Variants in UBR1 observed in about 807,000 individuals in gnomAD.
The protein encoded by UBR1 is E3 ubiquitin-protein ligase UBR1.
A neutral mutation model predicts 242.1 loss-of-function variants in UBR1; 102 were observed. The ratio of observed to expected loss-of-function variants is 0.42; its 90% CI spans 0.36 to 0.50. UBR1 has a LOEUF of 0.50. Among genes scored for constraint, UBR1 ranks in the 20% least tolerant of loss-of-function variants. UBR1 has a pLI of 0.01. For synonymous variants in UBR1, 675 were observed against 684.8 expected, an observed-to-expected ratio of 0.99 and a Z score of 0.22; for missense variants, 1,772 against 2,101.8, an observed-to-expected ratio of 0.84 and a Z score of 3.07.
At position 43,086,138 on chromosome 15, in the gene UBR1, GC is replaced by G; in HGVS notation, c.183del (p.Lys61AsnfsTer27). The G allele has an allele frequency of 1.2e-6, 2 of 1,613,976 alleles. No individual in the cohort carries two copies. The highest frequency in any genetic ancestry group is 1.7e-6 in the Non-Finnish European group (2 of 1,179,998). On this transcript the variant is annotated frameshift_variant, in exon 2 of 47. Transcript: ENST00000290650. LOFTEE classifies it high-confidence loss of function. ...YFAEMDPDLE[K>X]QEESVQMSIF... is the part of the protein sequence containing the mutation. ...ATTGACATTTGTACACTTTCCTCCT[GC>G]TTTTCCAAGTCTGGGTCCATTTCAG...
intron 29 of UBR1, among the ~76,000 whole-genome samples, chr15:43,012,835 A>T (rs1375652138): frequency 6.6e-6 from 1 of 152,214 alleles, no homozygotes; most frequent in Non-Finnish European, 1.5e-5. Flanking sequence ...CAGCTTCAAG[A>T]TTAAAGATAC....
At chr15:43,009,940 G>A (rs774732728) in intron 29 of UBR1, among the ~76,000 whole-genome samples, 3 of 152,132 alleles carry the variant, frequency 2.0e-5, no homozygotes, top group African/African-American at 4.8e-5. Context: ...GCGCGATCTC[G>A]GCTCACTGCA....
At chr15:43,055,596 T>C (rs554608399) in intron 11 of UBR1, among the ~76,000 whole-genome samples, 87 of 152,250 alleles carry the variant, frequency 5.7e-4, no homozygotes, top group African/African-American at 2.0e-3. Context: ...TAACCAAGTT[T>C]GGATAACTAT....
intron 21 of UBR1, among the ~76,000 whole-genome samples, chr15:43,028,342 A>G (rs2033204018): frequency 6.6e-6 from 1 of 152,060 alleles, no homozygotes; most frequent in Admixed American, 6.6e-5. Flanking sequence ...AGGGAACACT[A>G]TTTTTTTACA....
Position 42,943,296 on chromosome 15 carries a change from T to C in UBR1, c.*2033A>G, listed in dbSNP as rs2031681016. The C allele has an allele frequency of 6.6e-6, 1 of 152,560 alleles. No homozygotes were observed. Among genetic ancestry groups the C allele is most frequent in the Non-Finnish European group, 1.5e-5 (1 of 68,032 alleles). The allele number at this position is 152,560 out of a possible 1,614,324, so 9.5% of individuals were successfully genotyped here. A position where few individuals can be genotyped will look rare whatever the true frequency, so the allele number is the denominator to read the frequency against. On this transcript the variant is annotated 3_prime_UTR_variant, in exon 47 of 47. Transcript: ENST00000290650. ...CCTTCACATACTACACTAAAGAAAA[T>C]AAAGTGACTCAGTTGCTTGTTTGTA...
At chr15:43,059,277 T>C (rs2033654208) in intron 8 of UBR1, 85 bp from the exon 9 acceptor site, 1 of 1,280,112 alleles carries the variant, frequency 7.8e-7, no homozygotes, top group South Asian at 1.2e-5. Context: ...GTTGCCCAGG[T>C]TGGTCTTGAA....
chr15:43,093,790 CAAAAAAAA>C (rs35967267), intron 1 of UBR1, among the ~76,000 whole-genome samples: 1 of 52,054 alleles, frequency 1.9e-5, no homozygotes, highest in Non-Finnish European at 4.0e-5. Context: ...GCTCCGTCTC[CAAAAAAAA>C]AAAAAAAAAA....
intron 32 of UBR1, among the ~76,000 whole-genome samples, chr15:43,000,610 G>C (rs1439185598): frequency 6.6e-6 from 1 of 152,082 alleles, no homozygotes; most frequent in Admixed American, 6.5e-5. Flanking sequence ...ACTATCCCTA[G>C]TCTCCAATTC....
At chr15:42,966,055 A>T in intron 41 of UBR1, 98 bp downstream of exon 41, 1 of 1,551,906 alleles carries the variant, frequency 6.4e-7, no homozygotes, top group South Asian at 1.1e-5. Context: ...GGAGAGGAGA[A>T]GTGGTTTTAT....
intron 10 of UBR1, among the ~76,000 whole-genome samples, chr15:43,057,036 T>C (rs928001110): frequency 2.0e-5 from 3 of 152,166 alleles, no homozygotes; most frequent in African/African-American, 4.8e-5. Flanking sequence ...AGTTGGATAC[T>C]TAACCTACTT....
chr15:42,949,681 C>T (rs1384542996), intron 46 of UBR1, among the ~76,000 whole-genome samples: 7 of 151,020 alleles, frequency 4.6e-5, no homozygotes, highest in Non-Finnish European at 1.0e-4. Flanking sequence ...TGCCTGTAGT[C>T]CCAGCTACTC....
chr15:43,087,409 A>C (rs2034051372), intron 1 of UBR1, among the ~76,000 whole-genome samples: 1 of 152,182 alleles, frequency 6.6e-6, no homozygotes, highest in Admixed American at 6.5e-5. Context: ...CAACTCAAAA[A>C]AAAAATAAAA....
At chr15:43,018,687 A>T (rs1293330589) in intron 27 of UBR1, among the ~76,000 whole-genome samples, 2 of 152,198 alleles carry the variant, frequency 1.3e-5, no homozygotes, top group East Asian at 3.8e-4. Context: ...CACTGTGCCC[A>T]GTAAAATTTA....
intron 1 of UBR1, among the ~76,000 whole-genome samples, chr15:43,105,614 TC>T (rs1436718346): frequency 6.6e-6 from 1 of 152,134 alleles, no homozygotes; most frequent in African/African-American, 2.4e-5. Context: ...TAGTACTGCT[TC>T]TATACGAAAA....
At chr15:43,083,101 G>C (rs916501233) in intron 2 of UBR1, among the ~76,000 whole-genome samples, 2 of 152,130 alleles carry the variant, frequency 1.3e-5, no homozygotes, top group Non-Finnish European at 2.9e-5. Context: ...AAAGCTGATT[G>C]CTCATTGTTA....
At chr15:42,985,014 A>G in intron 35 of UBR1, 72 bp from the exon 36 acceptor site, 1 of 1,150,774 alleles carries the variant, frequency 8.7e-7, no homozygotes, top group South Asian at 1.5e-5. Flanking sequence ...ACTTTTTATC[A>G]AATGTTCTTT....
At chr15:43,034,691 G>A (rs1211613902) in intron 19 of UBR1, among the ~76,000 whole-genome samples, 1 of 151,930 alleles carries the variant, frequency 6.6e-6, no homozygotes. Flanking sequence ...TTCGAGACCA[G>A]CCTGGCCAAC....
rs2033515274 is a variant in UBR1, at chr15:43,048,636, T to A, written c.1440-145A>T. On this transcript the variant is annotated intron_variant, in intron 12 of 46. Coordinates refer to ENST00000290650, the MANE Select transcript of UBR1 (RefSeq NM_174916.3). Reference sequence around the variant, plus strand: ...TTAGAAGCTCTGAGTAGAGCTAGAATTATTTATTCTGCCTTATTTTAAATA... The same window carrying A: ...TTAGAAGCTCTGAGTAGAGCTAGAAATATTTATTCTGCCTTATTTTAAATA... 5 of 671,308 alleles carry A rather than the reference T, an allele frequency of 7.4e-6. No individual in the cohort carries two copies. The Admixed American group carries it at 1.4e-4, about 19-fold the overall frequency. 41.6% of individuals were successfully genotyped at this position (671,308 alleles called of 1,614,324 possible).
chr15:43,048,291 A>C (rs1408158193), intron 13 of UBR1, 101 bp downstream of exon 13: 19 of 841,820 alleles, frequency 2.3e-5, no homozygotes, highest in African/African-American at 3.4e-5. Context: ...TTTGCTAGAT[A>C]AATTCTTTCT....
Sources: allele counts gnomAD v4.1 joint callset (sites outside exome capture counted in the v4.1 genomes callset), GRCh38; gene constraint gnomAD v4.1.1; transcripts MANE v1.5; gene names NCBI Gene and HGNC (gene_info 2026-07-23, HGNC 2026-07-21).